The following SCNN1A variants were observed in gnomAD, a reference collection of about 807,000 sequenced individuals.
SCNN1A encodes epithelial sodium channel subunit alpha.
In SCNN1A, 65 loss-of-function variants were observed where a neutral mutation model predicts 68.6. That is an observed-to-expected ratio of 0.95 (90% confidence interval 0.78 to 1.16). The LOEUF is 1.16. Among genes scored for constraint, SCNN1A ranks in the 50% most tolerant of loss-of-function variants. SCNN1A has a pLI of 0.00. For missense variants in SCNN1A, 880 were observed against 865.9 expected, an observed-to-expected ratio of 1.02 and a Z score of -0.20; for synonymous variants, 357 against 353.3, an observed-to-expected ratio of 1.01 and a Z score of -0.12.
In SCNN1A at chr12:6,363,524, A is replaced by G; in HGVS notation, c.603T>C (p.Arg201=). The G allele has an allele frequency of 6.2e-7, 1 of 1,609,578 alleles. No homozygotes were observed. The highest frequency in any genetic ancestry group is 8.5e-7 in the Non-Finnish European group (1 of 1,177,952). Residue 201 remains arginine, a synonymous_variant, in exon 3 of 13, where the codon CGT becomes CGC. Coordinates refer to ENST00000228916, the MANE Select transcript of SCNN1A (RefSeq NM_001038.6). ...AGCTGGAGGCCACGCTACGGGCTCGACGGGCCCCGTGAGGCGGGGGCGGGA... is the reference window on the plus strand; with the variant it reads ...AGCTGGAGGCCACGCTACGGGCTCGGCGGGCCCCGTGAGGCGGGGGCGGGA... ...LRVPPPPHGA[R]RARSVASSLR...
chr12:6,374,383 G>C lies in SCNN1A; in HGVS notation c.401C>G (p.Thr134Ser). The change falls in exon 2 of 13, where the codon ACC (threonine) becomes AGC (serine). Residue 134 changes from threonine (T) to serine (S), a missense_variant. This residue lies in a region of SCNN1A where 758 missense variants were observed against 721.8 expected (regional missense o/e 1.05). Transcript: ENST00000228916. This position sits in a 1 kb window ranked among gnomAD's most constrained non-coding sequence, Gnocchi z 6.2. Reference sequence around the variant, plus strand: ...ACTAACCGACCTGTAGGGATTGAGGGTGCAGATGGTCACTGCGGGGAAGAC... The same window carrying C: ...ACTAACCGACCTGTAGGGATTGAGGCTGCAGATGGTCACTGCGGGGAAGAC... ...KLVFPAVTIC[T>S]LNPYRYPEIK... 6.2e-7 allele frequency: 1 copy of C among 1,614,220 alleles called. No homozygotes were observed. Among genetic ancestry groups the C allele is most frequent in the African/African-American group, 1.3e-5 (1 of 75,062 alleles).
At chr12:6,369,343 C>CCTCCCTCCTGCCACCCTACGCAA (rs1948741863) in intron 2 of SCNN1A, among the ~76,000 whole-genome samples, 2 of 130,868 alleles carry the variant, frequency 1.5e-5, no homozygotes, top group Non-Finnish European at 3.3e-5. Flanking sequence ...ACCCTACGCA[C>CCTCCCTCCTGCCACCCTACGCAA]CTCCCTCCTG....
At chr12:6,366,274 A>G (rs1948678206) in intron 2 of SCNN1A, among the ~76,000 whole-genome samples, 1 of 152,186 alleles carries the variant, frequency 6.6e-6, no homozygotes, top group South Asian at 2.1e-4. Flanking sequence ...TAGAGTTACC[A>G]TATAACCCAT....
rs17846607 is a variant in SCNN1A, at chr12:6,347,897, G to C, written c.1986C>G (p.Ser662=). 2 of 1,598,556 alleles carry C rather than the reference G, an allele frequency of 1.3e-6. No homozygotes were observed. The highest frequency in any genetic ancestry group is 1.7e-6 in the Non-Finnish European group (2 of 1,172,532). ...CTCAGGGCCCCCCCAGAGGACAGGT[G>C]GAGGAACTGGCCCCTGCAGAGCCCC... ...SPGGSAGASS[S]TCPLGGP is the part of the protein sequence containing the mutation. Residue 662 remains serine, a synonymous_variant, in exon 13 of 13, where the codon TCC becomes TCG. Transcript: ENST00000228916.
intron 4 of SCNN1A, among the ~76,000 whole-genome samples, chr12:6,358,797 C>T (rs1035882490): frequency 6.8e-6 from 1 of 147,488 alleles, no homozygotes; most frequent in South Asian, 2.1e-4. Context: ...GAAATCAAAG[C>T]TACAGTGAGG....
In SCNN1A at chr12:6,363,471, C is replaced by CA; in HGVS notation, c.655dup (p.Trp219LeufsTer92). On this transcript the variant is annotated frameshift_variant, in exon 3 of 13. Coordinates refer to ENST00000228916, the MANE Select transcript of SCNN1A (RefSeq NM_001038.6). LOFTEE classifies it high-confidence loss of function. The stretch of plus-strand genomic sequence containing the variant: ...CTGGAAGCCGATCTTCCAGTCCTTC[C>CA]AGTCCACCTGGGGGTTGTTGTCCCG... The CA allele has an allele frequency of 2.5e-6, 4 of 1,602,496 alleles. No homozygotes were observed. In the South Asian group the frequency reaches 4.5e-5, roughly 18 times the overall value.
In SCNN1A at chr12:6,349,401, G is replaced by A; in HGVS notation, c.1365C>T (p.Tyr455=). ...AGTCAACCTGGAGCTTATAGTAGCA[G>A]TACCCTGTGGGTACAGAGAGATGCC... is the stretch of plus-strand genomic sequence containing the variant. The part of the protein sequence containing the change: ...CDYRKHSSWG[Y]CYYKLQVDFS... Residue 455 remains tyrosine (Y), a synonymous_variant, in exon 9 of 13, where the codon TAC becomes TAT. Coordinates refer to ENST00000228916, the MANE Select transcript of SCNN1A (RefSeq NM_001038.6). The A allele has an allele frequency of 6.3e-7, 1 of 1,586,754 alleles. No homozygotes were observed. Among genetic ancestry groups the A allele is most frequent in the Non-Finnish European group, 8.6e-7 (1 of 1,165,796 alleles).
Position 6,349,528 on chromosome 12 carries a change from A to C in SCNN1A, c.1361-123T>G, listed in dbSNP as rs1334371177. On this transcript the variant is annotated intron_variant, in intron 8 of 12. Coordinates refer to ENST00000228916, the MANE Select transcript of SCNN1A (RefSeq NM_001038.6). ...AAGAGCATTATTTAGCATTATAATG[A>C]TGCCTTATGAGTGGCAGTACCAAGA... 3.1e-5 allele frequency: 23 copies of C among 735,932 alleles called. 1 individual carries two copies. The highest frequency in any genetic ancestry group is 2.6e-4 in the Admixed American group (13 of 49,622). The allele number at this position is 735,932 out of a possible 1,614,324, so 45.6% of individuals were successfully genotyped here. A position where few individuals can be genotyped will look rare whatever the true frequency, so the allele number is the denominator to read the frequency against.
At position 6,351,457 on chromosome 12, in the gene SCNN1A, A is replaced by G. The variant is rs2136857195; in HGVS notation, c.1361-2052T>C. ...ACCAATATGGTGAAACCCCATCTCT[A>G]CTAAAAAATACAAAAATTAGCTGGG... On this transcript the variant is annotated intron_variant, in intron 8 of 12. Transcript: ENST00000228916. This position sits in a 1 kb window ranked among gnomAD's most constrained non-coding sequence, Gnocchi z 4.2. Among the ~76,000 whole-genome samples the G allele has an allele frequency of 6.6e-6, 1 of 152,234 alleles. No homozygotes were observed. The highest frequency in any genetic ancestry group is 1.5e-5 in the Non-Finnish European group (1 of 68,012).
Position 6,355,415 on chromosome 12 carries a change from C to T in SCNN1A, c.1000G>A (p.Ala334Thr), listed in dbSNP as rs11542844. 0.064 allele frequency: 103,841 copies of T among 1,613,752 alleles called. 10,382 individuals carry two copies. The highest frequency in any genetic ancestry group is 0.47 in the African/African-American group (35,052 of 74,964). The change falls in exon 6 of 13, where the codon GCA becomes ACA. Residue 334 changes from alanine to threonine, a missense_variant. Around this residue, in one of 3 missense-constraint regions of SCNN1A, gnomAD observed 758 missense variants for 721.8 expected, o/e 1.05. Coordinates refer to ENST00000228916, the MANE Select transcript of SCNN1A (RefSeq NM_001038.6). The stretch of plus-strand genomic sequence containing the variant: ...AGGGGAATGAAGTCATTCTGCTCTG[C>T]GCGCAGCATCAGGGACAGACCTAGG... ...INNGLSLMLR[A>T]EQNDFIPLLS...
intron 1 of SCNN1A, chr12:6,375,175 T>A: frequency 6.9e-7 from 1 of 1,456,174 alleles, no homozygotes; most frequent in South Asian, 1.4e-5. Context: ...TCCTCCAGGA[T>A]CTGTGTCTCA....
intron 8 of SCNN1A, chr12:6,353,785 T>C (rs1473510579): frequency 2.3e-5 from 3 of 130,376 alleles, no homozygotes; most frequent in African/African-American, 6.4e-5. Flanking sequence ...GAGACGGGGT[T>C]TCACCGTGTT....
At chr12:6,357,466 C>T (rs55759660) in intron 4 of SCNN1A, among the ~76,000 whole-genome samples, 23,085 of 150,934 alleles carry the variant, frequency 0.15, 1,874 homozygotes, top group South Asian at 0.25. Flanking sequence ...CTCAGCTAGT[C>T]GGGAGGCTGA....
intron 2 of SCNN1A, among the ~76,000 whole-genome samples, chr12:6,369,198 C>T (rs932497105): frequency 6.6e-6 from 1 of 152,014 alleles, no homozygotes; most frequent in African/African-American, 2.4e-5. Flanking sequence ...ACTTCTCTGG[C>T]CACACTCCTC....
chr12:6,348,840 G>A (rs367601300), intron 11 of SCNN1A, 38 bp from the exon 12 acceptor site: 18 of 1,607,084 alleles, frequency 1.1e-5, no homozygotes, highest in Admixed American at 1.7e-5. Flanking sequence ...AAATGGTAGA[G>A]GATGAATTTC....
intron 8 of SCNN1A, chr12:6,349,771 C>T (rs571423037): frequency 2.0e-5 from 5 of 247,068 alleles, no homozygotes; most frequent in South Asian, 9.2e-5. Flanking sequence ...CTGTTGCCCA[C>T]GCTAGAGTGC....
chr12:6,353,587 A>T (rs1370942904), intron 8 of SCNN1A: 4 of 148,992 alleles, frequency 2.7e-5, no homozygotes, highest in South Asian at 2.1e-4. Flanking sequence ...TTATTTATTT[A>T]TTTTATTTAT....
intron 2 of SCNN1A, among the ~76,000 whole-genome samples, chr12:6,368,709 C>G (rs542588666): frequency 1.5e-4 from 23 of 152,288 alleles, no homozygotes; most frequent in African/African-American, 4.8e-4. Flanking sequence ...TCTGGTCCGT[C>G]CCTGCTACCT....
chr12:6,364,713 G>C (rs550368432), intron 2 of SCNN1A, among the ~76,000 whole-genome samples: 1 of 151,094 alleles, frequency 6.6e-6, no homozygotes, highest in Non-Finnish European at 1.5e-5. Context: ...AGTGAGCCGA[G>C]ATCGCGCCAC....
Sources: allele counts gnomAD v4.1 joint callset (sites outside exome capture counted in the v4.1 genomes callset), GRCh38; gene constraint gnomAD v4.1.1; regional missense constraint gnomAD v4.1.1; non-coding constraint Gnocchi (gnomAD v3.1); transcripts MANE v1.5; gene names NCBI Gene and HGNC (gene_info 2026-07-23, HGNC 2026-07-21).